The following ADAMTS12 variants were observed in gnomAD, a reference collection of about 807,000 sequenced individuals.
ADAMTS12 encodes the protein ADAM metallopeptidase with thrombospondin type 1 motif 12.
In ADAMTS12, 118 loss-of-function variants were observed where a neutral mutation model predicts 167.8. The observed-to-expected ratio is 0.70, with a 90% CI of 0.61 to 0.82. The LOEUF (loss-of-function observed/expected upper bound fraction) is 0.82. Among genes scored for constraint, ADAMTS12 ranks in the 40% least tolerant of loss-of-function variants. The pLI, the probability that ADAMTS12 is intolerant of heterozygous loss-of-function variation, is 0.00. For missense variants in ADAMTS12, 1,916 were observed against 1,998.8 expected (o/e 0.96, Z 0.79); for synonymous variants, 704 against 716.9 (o/e 0.98, Z 0.29).
chr5:33,687,513 G>A (rs1005649886), intron 3 of ADAMTS12, among the ~76,000 whole-genome samples: 2 of 152,226 alleles, frequency 1.3e-5, no homozygotes, highest in African/African-American at 2.4e-5. Context: ...CCTGAATAGA[G>A]ACAAAGGAGT....
chr5:33,844,843 G>A (rs914323270), intron 2 of ADAMTS12, among the ~76,000 whole-genome samples: 12 of 152,052 alleles, frequency 7.9e-5, no homozygotes, highest in African/African-American at 2.4e-4. Flanking sequence ...TCCCCCGGAC[G>A]CCCAGCTTTA....
chr5:33,611,419 T>G (rs1486450919), intron 16 of ADAMTS12, among the ~76,000 whole-genome samples: 1 of 152,112 alleles, frequency 6.6e-6, no homozygotes, highest in Non-Finnish European at 1.5e-5. Flanking sequence ...ACAAAGGAAT[T>G]TGTTACTACA....
intron 2 of ADAMTS12, among the ~76,000 whole-genome samples, chr5:33,756,786 C>A (rs527762035): frequency 6.6e-6 from 1 of 152,244 alleles, no homozygotes; most frequent in Non-Finnish European, 1.5e-5. Context: ...TGATAGTTAC[C>A]ATGACCCAAG....
chr5:33,573,195 A>G (rs1294238752), intron 19 of ADAMTS12, among the ~76,000 whole-genome samples: 1 of 151,656 alleles, frequency 6.6e-6, no homozygotes, highest in Non-Finnish European at 1.5e-5. Context: ...TATAGATTCA[A>G]TGCCATCCCC....
intron 17 of ADAMTS12, among the ~76,000 whole-genome samples, chr5:33,594,862 TC>T (rs1424239895): frequency 2.6e-5 from 4 of 152,186 alleles, no homozygotes; most frequent in Admixed American, 1.3e-4. Context: ...TTGTCCTGAC[TC>T]TTCTTTCTAA....
At chr5:33,884,133 T>A (rs1168183288) in intron 1 of ADAMTS12, among the ~76,000 whole-genome samples, 1 of 152,216 alleles carries the variant, frequency 6.6e-6, no homozygotes, top group African/African-American at 2.4e-5. Context: ...GCGCCTTCTA[T>A]TAAGAGAAGC....
intron 2 of ADAMTS12, among the ~76,000 whole-genome samples, chr5:33,849,064 A>G (rs1749070729): frequency 6.8e-6 from 1 of 147,652 alleles, no homozygotes; most frequent in Non-Finnish European, 1.5e-5. Flanking sequence ...CAATATATAT[A>G]TATGTATTGC....
At position 33,683,770 on chromosome 5, in the gene ADAMTS12, C is replaced by T. The variant is rs996393888; in HGVS notation, c.831+89G>A. 11 of 1,014,948 alleles carry T rather than the reference C, an allele frequency of 1.1e-5. No homozygotes were observed. In the African/African-American group the frequency reaches 1.8e-4, roughly 17 times the overall value. 62.9% of individuals were successfully genotyped at this position (1,014,948 alleles called of 1,614,324 possible). On this transcript the variant is annotated intron_variant, in intron 4 of 23. Transcript: ENST00000504830. Reference sequence around the variant, plus strand: ...ATTTATAAAAATAAGTTAAAAGGACCCCAAAAAGGCCTTTCTTATTTATTT... The same window carrying T: ...ATTTATAAAAATAAGTTAAAAGGACTCCAAAAAGGCCTTTCTTATTTATTT...
chr5:33,884,066 T>C (rs1240535449), intron 1 of ADAMTS12, among the ~76,000 whole-genome samples: 2 of 152,186 alleles, frequency 1.3e-5, no homozygotes, highest in African/African-American at 4.8e-5. Context: ...CTGGGTATAG[T>C]AACGGTGTCA....
chr5:33,625,318 C>G (rs1739533308), intron 13 of ADAMTS12, among the ~76,000 whole-genome samples: 1 of 151,340 alleles, frequency 6.6e-6, no homozygotes. Flanking sequence ...AAAAAAACAC[C>G]AAAATTTAAT....
intron 2 of ADAMTS12, among the ~76,000 whole-genome samples, chr5:33,755,798 G>A (rs555861878): frequency 6.6e-6 from 1 of 152,280 alleles, no homozygotes; most frequent in African/African-American, 2.4e-5. Context: ...TTACTCATTT[G>A]AAAATCGCAG....
intron 22 of ADAMTS12, among the ~76,000 whole-genome samples, chr5:33,541,374 T>C (rs144176897): frequency 2.6e-5 from 4 of 152,290 alleles, no homozygotes; most frequent in African/African-American, 9.6e-5. Context: ...TACCTGAAAG[T>C]GAGGAGAAGA....
chr5:33,783,824 T>A (rs557690190), intron 2 of ADAMTS12, among the ~76,000 whole-genome samples: 54 of 152,014 alleles, frequency 3.6e-4, no homozygotes, highest in Admixed American at 3.0e-3. Flanking sequence ...CTTCCCAAAA[T>A]AAATTTTCAC....
intron 3 of ADAMTS12, among the ~76,000 whole-genome samples, chr5:33,744,622 TG>T (rs1487980322): frequency 6.6e-6 from 1 of 152,140 alleles, no homozygotes; most frequent in Admixed American, 6.5e-5. Context: ...CGACAGATGC[TG>T]GGGCACAGTA....
chr5:33,614,287 G>C lies in ADAMTS12; in HGVS notation c.2478C>G (p.Tyr826Ter). 1 of 1,614,138 alleles carries C rather than the reference G, an allele frequency of 6.2e-7. No homozygotes were observed. The highest frequency in any genetic ancestry group is 8.5e-7 in the Non-Finnish European group (1 of 1,180,000). ...GLDNDVEQQM[Y>*]FWQYGHWTEC... ...CTGTCCAGTGGCCGTACTGCCAGAA[G>C]TACATCTGCTGCTCAACATCATTGT... is the stretch of plus-strand genomic sequence containing the variant. Residue 826 changes from tyrosine (Y) to a stop codon, truncating the protein, a stop_gained, in exon 16 of 24, where the codon TAC (tyrosine) becomes TAG (stop). Transcript: ENST00000504830. LOFTEE classifies it high-confidence loss of function.
chr5:33,824,561 T>C (rs949253854), intron 2 of ADAMTS12, among the ~76,000 whole-genome samples: 7 of 152,184 alleles, frequency 4.6e-5, no homozygotes, highest in African/African-American at 1.7e-4. Flanking sequence ...AGTCACTGTC[T>C]TCATCCAGAC....
chr5:33,670,188 TA>T (rs1741621687), intron 5 of ADAMTS12, among the ~76,000 whole-genome samples: 1 of 151,640 alleles, frequency 6.6e-6, no homozygotes, highest in African/African-American at 2.4e-5. Context: ...GCAAATATCA[TA>T]AAGAGACACG....
At chr5:33,590,366 C>T in intron 17 of ADAMTS12, among the ~76,000 whole-genome samples, 1 of 152,116 alleles carries the variant, frequency 6.6e-6, no homozygotes. Flanking sequence ...AAACTTAATC[C>T]TCAATATAAC....
At chr5:33,665,065 A>G (rs1741419507) in intron 5 of ADAMTS12, among the ~76,000 whole-genome samples, 1 of 152,200 alleles carries the variant, frequency 6.6e-6, no homozygotes, top group South Asian at 2.1e-4. Context: ...TATATAATGG[A>G]ACATTCATTA....
Sources: gnomAD v4.1 joint callset for allele counts (sites outside exome capture counted in the v4.1 genomes callset) on GRCh38, gnomAD v4.1.1 for gene constraint, MANE v1.5 for transcripts, NCBI Gene and HGNC (gene_info 2026-07-23, HGNC 2026-07-21) for gene names.